CD8A: variants seen among roughly 807,000 people sequenced by gnomAD.
The protein encoded by CD8A is T-cell surface glycoprotein CD8 alpha chain.
CD8A carries 25 observed loss-of-function variants against 24.2 expected under a neutral mutation model. The ratio of observed to expected loss-of-function variants is 1.03; its 90% confidence interval spans 0.75 to 1.44. CD8A has a LOEUF of 1.44. Ranked by LOEUF, CD8A falls within the 40% of genes most tolerant of loss-of-function variation. The pLI is 0.00. For missense variants in CD8A, 360 were observed against 319.7 expected (o/e 1.13, Z -0.96); for synonymous variants, 165 against 149.9 (o/e 1.10, Z -0.74).
chr2:86,784,655 A>T lies in CD8A; in HGVS notation c.*1265T>A, dbSNP rs988161681. 1 of 405,084 alleles carries T rather than the reference A, an allele frequency of 2.5e-6. No individual in the cohort carries two copies. Among genetic ancestry groups the T allele is most frequent in the African/African-American group, 2.1e-5 (1 of 48,356 alleles). The allele number at this position is 405,084 out of a possible 1,614,324, so 25.1% of individuals were successfully genotyped here. ...GGATGCTACAAATGTTTATTCATTA[A>T]AGCCACTCATAACAGCATAGTACAA... On this transcript the variant is annotated 3_prime_UTR_variant, in exon 6 of 6. Coordinates refer to ENST00000283635, the MANE Select transcript of CD8A (RefSeq NM_001768.7).
upstream of CD8A, among the ~76,000 whole-genome samples, chr2:86,795,286 A>C (rs954457194): frequency 1.3e-5 from 2 of 152,192 alleles, no homozygotes; most frequent in Non-Finnish European, 2.9e-5. Context: ...AGACCAGAGG[A>C]GGCTTAGATA....
At position 86,785,313 on chromosome 2, in the gene CD8A, C is replaced by T. The variant is rs567710197; in HGVS notation, c.*607G>A. On this transcript the variant is annotated 3_prime_UTR_variant, in exon 6 of 6. Transcript: ENST00000283635. Reference sequence around the variant, plus strand: ...GTCTGATATTGTTTACATTATAGAACTCTGCCAAAGGCAGTTCTCTTCTTT... The same window carrying T: ...GTCTGATATTGTTTACATTATAGAATTCTGCCAAAGGCAGTTCTCTTCTTT... The T allele has an allele frequency of 4.4e-6, 2 of 453,998 alleles. No individual in the cohort carries two copies. The highest frequency in any genetic ancestry group is 8.8e-6 in the Non-Finnish European group (2 of 226,750). The allele number at this position is 453,998 out of a possible 1,614,324, so 28.1% of individuals were successfully genotyped here.
chr2:86,790,733 C>A lies in CD8A; in HGVS notation c.49+44G>T. 3.3e-6 allele frequency: 5 copies of A among 1,524,328 alleles called. No homozygotes were observed. In the South Asian group the frequency reaches 6.0e-5, roughly 18 times the overall value. The allele number at this position is 1,524,328 out of a possible 1,614,324, so 94.4% of individuals were successfully genotyped here. On this transcript the variant is annotated intron_variant, in intron 1 of 5. Transcript: ENST00000283635. ...GCCCGCAGTCCCGCGCCCCCCGCCC[C>A]CCGCCCGCCCCATCCCCTGCCTTCC...
upstream of CD8A, chr2:86,790,917 C>T (rs1308193143): frequency 1.6e-6 from 2 of 1,247,288 alleles, no homozygotes; most frequent in Admixed American, 2.0e-5. Flanking sequence ...GAAAGTTGCG[C>T]CCTTCGGCCG....
At chr2:86,802,038 T>G (rs534086930) in intron 2 of CD8A, among the ~76,000 whole-genome samples, 2 of 152,148 alleles carry the variant, frequency 1.3e-5, no homozygotes, top group East Asian at 3.9e-4. Context: ...TACTTTTATA[T>G]TTATTTATTT....
chr2:86,788,051 A>T (rs1256805025), intron 5 of CD8A, among the ~76,000 whole-genome samples: 1 of 152,104 alleles, frequency 6.6e-6, no homozygotes, highest in Non-Finnish European at 1.5e-5. Flanking sequence ...CATGACACAG[A>T]GAAGTTAGCA....
intron 2 of CD8A, among the ~76,000 whole-genome samples, chr2:86,803,528 C>A (rs1210332697): frequency 2.6e-5 from 4 of 152,154 alleles, no homozygotes; most frequent in Admixed American, 1.3e-4. Context: ...AAATATTGCA[C>A]GATCTTACCT....
At chr2:86,805,201 T>C (rs1673806761) in intron 2 of CD8A, among the ~76,000 whole-genome samples, 1 of 152,196 alleles carries the variant, frequency 6.6e-6, no homozygotes, top group African/African-American at 2.4e-5. Context: ...GCCACTTTCA[T>C]TTATTCATTC....
At chr2:86,793,418 A>ATGTG (rs142293668), upstream of CD8A, among the ~76,000 whole-genome samples, 2 of 151,374 alleles carry the variant, frequency 1.3e-5, no homozygotes, top group African/African-American at 4.8e-5. Context: ...CGATGTATGC[A>ATGTG]TGTGTGTGTG....
At chr2:86,805,407 T>C (rs1005108777) in intron 2 of CD8A, among the ~76,000 whole-genome samples, 5 of 152,210 alleles carry the variant, frequency 3.3e-5, no homozygotes, top group African/African-American at 1.2e-4. Flanking sequence ...TTTTGATACA[T>C]TTTTCTCCGA....
At chr2:86,789,294 C>T (rs1233750765) in intron 4 of CD8A, 29 bp downstream of exon 4, 10 of 1,439,940 alleles carry the variant, frequency 6.9e-6, no homozygotes, top group Non-Finnish European at 7.8e-6. Flanking sequence ...GGGGCCGACT[C>T]CTTCCCGCCG....
upstream of CD8A, chr2:86,791,141 A>G (rs1046854602): frequency 3.2e-6 from 2 of 625,030 alleles, no homozygotes; most frequent in African/African-American, 1.8e-5. Context: ...TAGTCCTTGG[A>G]AATGGTTGTC....
upstream of CD8A, among the ~76,000 whole-genome samples, chr2:86,795,728 CT>C (rs1221214335): frequency 6.6e-6 from 1 of 152,100 alleles, no homozygotes; most frequent in East Asian, 1.9e-4. Flanking sequence ...GGATTTGGAT[CT>C]GATTTTCTCT....
upstream of CD8A, chr2:86,791,399 C>T: frequency 2.5e-6 from 1 of 407,812 alleles, no homozygotes; most frequent in Non-Finnish European, 4.9e-6. Flanking sequence ...GGACCCTCTC[C>T]CTTCCCCCAG....
Position 86,785,127 on chromosome 2 carries a change from C to T in CD8A, c.*793G>A, listed in dbSNP as rs1430289254. ...GGGGTAGCCTGTCCTCTTTCATGGG[C>T]CCCTCTGCAATGCAAGGGCTGGGAG... On this transcript the variant is annotated 3_prime_UTR_variant, in exon 6 of 6. Coordinates refer to ENST00000283635, the MANE Select transcript of CD8A (RefSeq NM_001768.7). 3 of 453,970 alleles carry T rather than the reference C, an allele frequency of 6.6e-6. No homozygotes were observed. The highest frequency in any genetic ancestry group is 1.3e-5 in the Non-Finnish European group (3 of 226,790). 28.1% of individuals were successfully genotyped at this position (453,970 alleles called of 1,614,324 possible).
At chr2:86,794,176 G>A (rs779731584), upstream of CD8A, among the ~76,000 whole-genome samples, 1 of 152,156 alleles carries the variant, frequency 6.6e-6, no homozygotes, top group East Asian at 1.9e-4. Context: ...AAATGTGAAT[G>A]ACTGCACTCC....
At chr2:86,788,742 C>A (rs1322519539) in intron 4 of CD8A, among the ~76,000 whole-genome samples, 182 bp from the exon 5 acceptor site, 1 of 152,172 alleles carries the variant, frequency 6.6e-6, no homozygotes, top group Admixed American at 6.5e-5. Context: ...TCTACGAATT[C>A]TCCTTCCTTT....
At chr2:86,786,836 C>T (rs1411773153) in intron 5 of CD8A, among the ~76,000 whole-genome samples, 5 of 151,572 alleles carry the variant, frequency 3.3e-5, no homozygotes, top group South Asian at 4.2e-4. Flanking sequence ...CTGGCTAACA[C>T]GGTGAAACCC....
Position 86,788,579 on chromosome 2 carries a change from G to A in CD8A, c.626-19C>T, listed in dbSNP as rs1407813576. On this transcript the variant is annotated intron_variant, in intron 4 of 5. Transcript: ENST00000283635. Reference sequence around the variant, plus strand: ...CGGTTCCCTGGATAAGGAAAAAGAAGGGAAAAAGTGAGTGCCCCTATCCAT... The same window carrying A: ...CGGTTCCCTGGATAAGGAAAAAGAAAGGAAAAAGTGAGTGCCCCTATCCAT... The A allele has an allele frequency of 6.2e-7, 1 of 1,610,684 alleles. No individual in the cohort carries two copies. The highest frequency in any genetic ancestry group is 1.7e-5 in the Admixed American group (1 of 59,946).
Sources: gnomAD v4.1 joint callset for allele counts (sites outside exome capture counted in the v4.1 genomes callset) on GRCh38, gnomAD v4.1.1 for gene constraint, MANE v1.5 for transcripts, NCBI Gene and HGNC (gene_info 2026-07-23, HGNC 2026-07-21) for gene names.